Variants in TMEM154 observed in about 807,000 individuals in gnomAD.
TMEM154 encodes transmembrane protein 154.
A neutral mutation model predicts 24.5 loss-of-function variants in TMEM154; 27 were observed. The ratio of observed to expected loss-of-function variants is 1.10; its 90% CI spans 0.81 to 1.52. The LOEUF (loss-of-function observed/expected upper bound fraction) is 1.52, where lower values mean the gene tolerates loss of function less well. Ranked by LOEUF, TMEM154 falls within the 40% of genes most tolerant of loss-of-function variation. The pLI is 0.00. For missense variants in TMEM154, 228 were observed against 213.4 expected, an observed-to-expected ratio of 1.07 and a Z score of -0.43; for synonymous variants, 67 against 76.8, an observed-to-expected ratio of 0.87 and a Z score of 0.67.
intron 1 of TMEM154, among the ~76,000 whole-genome samples, chr4:152,660,585 C>T (rs1242328247): frequency 6.6e-6 from 1 of 152,192 alleles, no homozygotes; most frequent in Non-Finnish European, 1.5e-5. Flanking sequence ...GATCACAGAG[C>T]TCACATGGAG....
intron 1 of TMEM154, among the ~76,000 whole-genome samples, chr4:152,663,429 G>T (rs1728655596): frequency 6.6e-6 from 1 of 152,248 alleles, no homozygotes; most frequent in Non-Finnish European, 1.5e-5. Flanking sequence ...GAATAGAAAA[G>T]AAGAAATAAG....
intron 3 of TMEM154, among the ~76,000 whole-genome samples, chr4:152,651,099 T>C (rs1728373309): frequency 6.6e-6 from 1 of 152,192 alleles, no homozygotes. Flanking sequence ...TACATTAGCT[T>C]CTAACAGGAG....
chr4:152,663,934 C>A (rs936140030), intron 1 of TMEM154, among the ~76,000 whole-genome samples: 1 of 152,180 alleles, frequency 6.6e-6, no homozygotes, highest in East Asian at 1.9e-4. Context: ...TTTGAGGTAA[C>A]GCCTGGCAGC....
intron 6 of TMEM154, among the ~76,000 whole-genome samples, chr4:152,639,119 T>A (rs1752204125): frequency 6.6e-6 from 1 of 152,048 alleles, no homozygotes; most frequent in Non-Finnish European, 1.5e-5. Context: ...CCTGGCTAAT[T>A]TTTGTATTTT....
Position 152,626,097 on chromosome 4 carries a change from G to A in TMEM154, c.*2449C>T, listed in dbSNP as rs1434184428. On this transcript the variant is annotated 3_prime_UTR_variant, in exon 7 of 7. Coordinates refer to ENST00000304385, the MANE Select transcript of TMEM154 (RefSeq NM_152680.3). ...TCCCAGAGGGAGGAGTCACACCATTGGGTCAAGAGTCATGAATGGGTATTT... is the reference window on the plus strand; with the variant it reads ...TCCCAGAGGGAGGAGTCACACCATTAGGTCAAGAGTCATGAATGGGTATTT... 6.6e-6 allele frequency: 1 copy of A among 152,548 alleles called. No individual in the cohort carries two copies. Among genetic ancestry groups the A allele is most frequent in the Non-Finnish European group, 1.5e-5 (1 of 68,026 alleles). 9.4% of individuals were successfully genotyped at this position (152,548 alleles called of 1,614,324 possible). A position where few individuals can be genotyped will look rare whatever the true frequency, so the allele number is the denominator to read the frequency against.
intron 6 of TMEM154, among the ~76,000 whole-genome samples, chr4:152,632,314 CTATT>C (rs1318101074): frequency 6.6e-6 from 1 of 152,152 alleles, no homozygotes; most frequent in African/African-American, 2.4e-5. Flanking sequence ...TGTCCCAAGA[CTATT>C]TATTAAATAA....
chr4:152,630,781 A>G (rs1373181093), intron 6 of TMEM154, among the ~76,000 whole-genome samples: 1 of 152,188 alleles, frequency 6.6e-6, no homozygotes. Context: ...CACTACATTA[A>G]CATTTTGGTA....
chr4:152,669,599 A>G lies in TMEM154; in HGVS notation c.64+10271T>C, dbSNP rs565573545. ...ATATTTTTATTTGTTAAATGTGGCA[A>G]TCTTAATCATAAACAAATAAGCAAA... On this transcript the variant is annotated intron_variant, in intron 1 of 6. Transcript: ENST00000304385. 6 of 152,264 alleles carry G rather than the reference A, an allele frequency of 3.9e-5. No homozygotes were observed. The East Asian group carries it at 1.2e-3, about 29-fold the overall frequency. 9.4% of individuals were successfully genotyped at this position (152,264 alleles called of 1,614,324 possible). A position where few individuals can be genotyped will look rare whatever the true frequency, so the allele number is the denominator to read the frequency against.
In TMEM154 at chr4:152,641,216, G is replaced by T. The variant is rs369127240; in HGVS notation, c.479-231C>A. ...TTCAACATGCCTCTGACACTGGAAA[G>T]GACACAATTCATCACTGCTTGGTTA... is the stretch of plus-strand genomic sequence containing the variant. On this transcript the variant is annotated intron_variant, in intron 5 of 6. Transcript: ENST00000304385. 1,356 of 489,100 alleles carry T rather than the reference G, an allele frequency of 2.8e-3. 37 individuals are homozygous for T. In the South Asian group the frequency reaches 0.038, roughly 14 times the overall value. The allele number at this position is 489,100 out of a possible 1,614,324, so 30.3% of individuals were successfully genotyped here.
At position 152,628,336 on chromosome 4, in the gene TMEM154, C is replaced by T; in HGVS notation, c.*210G>A. 1.2e-6 allele frequency: 1 copy of T among 824,564 alleles called. No homozygotes were observed. The allele number at this position is 824,564 out of a possible 1,614,324, so 51.1% of individuals were successfully genotyped here. A position where few individuals can be genotyped will look rare whatever the true frequency, so the allele number is the denominator to read the frequency against. On this transcript the variant is annotated 3_prime_UTR_variant, in exon 7 of 7. Coordinates refer to ENST00000304385, the MANE Select transcript of TMEM154 (RefSeq NM_152680.3). ...AGGCAGCGATGGATGGCAGCCAGGCCTTTTCCTAGTACTTCTCAATTGCAC... is the reference window on the plus strand; with the variant it reads ...AGGCAGCGATGGATGGCAGCCAGGCTTTTTCCTAGTACTTCTCAATTGCAC...
chr4:152,619,016 A>T lies in TMEM154; in HGVS notation c.*9530T>A, dbSNP rs1751806328. The T allele has an allele frequency of 6.6e-6, 1 of 152,206 alleles. No individual in the cohort carries two copies. Among genetic ancestry groups the T allele is most frequent in the Admixed American group, 6.5e-5 (1 of 15,278 alleles). 9.4% of individuals were successfully genotyped at this position (152,206 alleles called of 1,614,324 possible). ...ATATGTAACTCCTAGCTCATTAAATAATTGGTTTTTCTGTTATTATGGAGC... is the reference window on the plus strand; with the variant it reads ...ATATGTAACTCCTAGCTCATTAAATTATTGGTTTTTCTGTTATTATGGAGC... On this transcript the variant is annotated 3_prime_UTR_variant, in exon 7 of 7. Coordinates refer to ENST00000304385, the MANE Select transcript of TMEM154 (RefSeq NM_152680.3).
intron 6 of TMEM154, among the ~76,000 whole-genome samples, chr4:152,632,100 C>T (rs1269955518): frequency 2.0e-5 from 3 of 152,172 alleles, no homozygotes; most frequent in East Asian, 1.9e-4. Flanking sequence ...CACCACAGTG[C>T]CCGGCCAAAT....
chr4:152,646,843 A>G (rs941077974), intron 3 of TMEM154: 1 of 658,032 alleles, frequency 1.5e-6, no homozygotes, highest in Non-Finnish European at 2.7e-6. Context: ...AGCAAGAGAA[A>G]GAGTCTCTTT....
intron 1 of TMEM154, among the ~76,000 whole-genome samples, chr4:152,678,290 T>C (rs776137939): frequency 7.9e-5 from 12 of 152,100 alleles, no homozygotes; most frequent in Admixed American, 6.5e-4. Context: ...TAACCAAGTC[T>C]CTTCAGATTC....
chr4:152,668,752 G>A (rs1728771314), intron 1 of TMEM154: 1 of 152,422 alleles, frequency 6.6e-6, no homozygotes, highest in South Asian at 2.1e-4. Flanking sequence ...ACAACAGGGA[G>A]AGGATATGCA....
chr4:152,648,776 C>G (rs770436555), intron 3 of TMEM154, among the ~76,000 whole-genome samples: 9 of 152,166 alleles, frequency 5.9e-5, no homozygotes, highest in Non-Finnish European at 1.2e-4. Context: ...GGATTTGGAG[C>G]CTAAGAGCCT....
intron 6 of TMEM154, among the ~76,000 whole-genome samples, chr4:152,640,222 A>G (rs538533616): frequency 6.6e-6 from 1 of 152,232 alleles, no homozygotes; most frequent in South Asian, 2.1e-4. Context: ...CCGGGTGTCC[A>G]TGAGTGTTTG....
At chr4:152,631,114 A>G (rs924434140) in intron 6 of TMEM154, among the ~76,000 whole-genome samples, 2 of 152,218 alleles carry the variant, frequency 1.3e-5, no homozygotes, top group African/African-American at 4.8e-5. Context: ...TAGAAAAGGA[A>G]TTGTTAGGTC....
intron 5 of TMEM154, 126 bp from the exon 6 acceptor site, chr4:152,641,111 C>A: frequency 1.4e-6 from 1 of 738,156 alleles, no homozygotes; most frequent in South Asian, 1.9e-5. Flanking sequence ...ATGGCCTCAC[C>A]AAGGAGTGAT....
Sources: allele counts gnomAD v4.1 joint callset (sites outside exome capture counted in the v4.1 genomes callset), GRCh38; gene constraint gnomAD v4.1.1; transcripts MANE v1.5; gene names NCBI Gene and HGNC (gene_info 2026-07-23, HGNC 2026-07-21).